CNTNAP4: variants seen among roughly 807,000 people sequenced by gnomAD.
The protein encoded by CNTNAP4 is contactin associated protein family member 4, also known as contactin-associated protein-like 4.
A neutral mutation model predicts 148.4 loss-of-function variants in CNTNAP4; 98 were observed. The observed-to-expected ratio is 0.66, with a 90% CI of 0.56 to 0.78. The LOEUF (loss-of-function observed/expected upper bound fraction) is 0.78, where lower values mean the gene tolerates loss of function less well. Ranked by LOEUF, CNTNAP4 falls within the 30% of genes least tolerant of loss-of-function variation. The probability of loss-of-function intolerance (pLI) is 0.00; values close to 1 mark genes in which losing one functional copy is unlikely to be tolerated. For missense variants in CNTNAP4, 1,935 were observed against 1,565.6 expected (o/e 1.24, Z -3.98); for synonymous variants, 730 against 565.1 (o/e 1.29, Z -4.14).
chr16:76,356,065 G>A (rs1226811719), intron 3 of CNTNAP4, among the ~76,000 whole-genome samples: 3 of 151,728 alleles, frequency 2.0e-5, no homozygotes, highest in East Asian at 1.9e-4. Flanking sequence ...AGTAGAGACG[G>A]GCTTTCACCA....
intron 4 of CNTNAP4, among the ~76,000 whole-genome samples, chr16:76,437,228 G>C (rs943605549): frequency 1.5e-4 from 23 of 152,046 alleles, no homozygotes; most frequent in African/African-American, 5.5e-4. Flanking sequence ...TGATTAGTTG[G>C]TGCCCACCCA....
intron 4 of CNTNAP4, among the ~76,000 whole-genome samples, chr16:76,446,836 C>G (rs1383378788): frequency 2.0e-5 from 3 of 152,242 alleles, no homozygotes; most frequent in Non-Finnish European, 4.4e-5. Context: ...CGTTAACATA[C>G]TGTATGGATG....
At chr16:76,307,539 T>C (rs1835073) in intron 1 of CNTNAP4, among the ~76,000 whole-genome samples, 64,734 of 119,128 alleles carry the variant, frequency 0.54, 18,612 homozygotes, top group Middle Eastern at 0.58. Flanking sequence ...TATATATATA[T>C]ACCAAACTCC....
intron 2 of CNTNAP4, among the ~76,000 whole-genome samples, chr16:76,345,119 A>G (rs892246212): frequency 2.0e-5 from 3 of 152,240 alleles, no homozygotes; most frequent in Admixed American, 2.0e-4. Flanking sequence ...GGGCCCCATG[A>G]TACTTCTTGT....
chr16:76,548,269 A>G (rs2084817300), intron 21 of CNTNAP4, among the ~76,000 whole-genome samples: 1 of 146,410 alleles, frequency 6.8e-6, no homozygotes, highest in Non-Finnish European at 1.5e-5. Context: ...TTCAGTTCCA[A>G]CCCTGGCTCT....
intron 3 of CNTNAP4, among the ~76,000 whole-genome samples, chr16:76,406,149 T>C (rs113867273): frequency 6.6e-6 from 1 of 152,208 alleles, no homozygotes; most frequent in African/African-American, 2.4e-5. Flanking sequence ...TGTGCTCACT[T>C]TGTGTCTCTG....
intron 4 of CNTNAP4, among the ~76,000 whole-genome samples, chr16:76,436,131 C>T (rs912952447): frequency 1.3e-5 from 2 of 152,072 alleles, no homozygotes; most frequent in African/African-American, 4.8e-5. Flanking sequence ...ATTATCTCTC[C>T]TGGCAACTGC....
At chr16:76,352,931 C>A (rs183850812) in intron 2 of CNTNAP4, among the ~76,000 whole-genome samples, 1 of 152,188 alleles carries the variant, frequency 6.6e-6, no homozygotes, top group Admixed American at 6.5e-5. Context: ...CAGGGCCATG[C>A]TAAACAAATG....
intron 15 of CNTNAP4, among the ~76,000 whole-genome samples, chr16:76,517,665 T>C (rs936204258): frequency 2.0e-5 from 3 of 152,244 alleles, no homozygotes; most frequent in African/African-American, 7.2e-5. Flanking sequence ...AACAGCTTTA[T>C]TGATATCAAA....
intron 9 of CNTNAP4, among the ~76,000 whole-genome samples, chr16:76,464,120 C>T (rs34532240): frequency 1.3e-5 from 2 of 152,034 alleles, no homozygotes; most frequent in Non-Finnish European, 2.9e-5. Flanking sequence ...CCAAACTCTG[C>T]CCTGCACTTC....
intron 3 of CNTNAP4, among the ~76,000 whole-genome samples, chr16:76,372,648 A>G (rs997934298): frequency 3.3e-5 from 5 of 152,054 alleles, no homozygotes; most frequent in Non-Finnish European, 7.4e-5. Context: ...TTCTGCCACC[A>G]TGTAAGACAT....
intron 1 of CNTNAP4, among the ~76,000 whole-genome samples, chr16:76,312,324 G>A (rs2144047502): frequency 6.6e-6 from 1 of 152,284 alleles, no homozygotes; most frequent in South Asian, 2.1e-4. Context: ...GCAGTAGGGT[G>A]AAATTACCTC....
chr16:76,468,713 C>T (rs919607731), intron 10 of CNTNAP4, among the ~76,000 whole-genome samples: 6 of 152,056 alleles, frequency 3.9e-5, no homozygotes, highest in African/African-American at 1.4e-4. Context: ...CCCACTTCAG[C>T]CTCCCAAAGT....
chr16:76,427,784 C>T (rs1183186398), intron 4 of CNTNAP4, among the ~76,000 whole-genome samples, 185 bp downstream of exon 4: 1 of 152,146 alleles, frequency 6.6e-6, no homozygotes, highest in African/African-American at 2.4e-5. Context: ...TCAACTTTAA[C>T]ATTTTAATTC....
At position 76,307,539 on chromosome 16, in the gene CNTNAP4, T is replaced by TATATATATATATATATATAC. The variant is rs558814796; in HGVS notation, c.86-8873_86-8872insTATATATATATATATATACA. ...ATATATATATATATATATATATATA[T>TATATATATATATATATATAC]ACCAAACTCCAGAAATGCTTACCCC... On this transcript the variant is annotated intron_variant, in intron 1 of 23. Coordinates refer to ENST00000611870, the MANE Select transcript of CNTNAP4 (RefSeq NM_033401.5). 5.9e-5 allele frequency among the ~76,000 whole-genome samples: 7 copies of TATATATATATATATATATAC among 119,378 alleles called. 1 individual carries two copies. The highest frequency in any genetic ancestry group is 8.2e-5 in the Non-Finnish European group (5 of 60,914). The allele number at this position is 119,378 out of a possible 152,430, so 78.3% of individuals were successfully genotyped here. A position where few individuals can be genotyped will look rare whatever the true frequency, so the allele number is the denominator to read the frequency against.
intron 2 of CNTNAP4, among the ~76,000 whole-genome samples, chr16:76,347,137 TTG>T (rs56664519): frequency 0.024 from 3,586 of 149,354 alleles, 79 homozygotes; most frequent in African/African-American, 0.054. Context: ...AGGCAATTGG[TTG>T]TGTGTGTGTG....
intron 3 of CNTNAP4, among the ~76,000 whole-genome samples, chr16:76,422,536 T>G (rs1597486002): frequency 6.6e-6 from 1 of 152,180 alleles, no homozygotes; most frequent in East Asian, 1.9e-4. Flanking sequence ...GAAAAAAGCT[T>G]CAGATAAAAT....
intron 15 of CNTNAP4, among the ~76,000 whole-genome samples, chr16:76,503,823 C>G (rs969651509): frequency 6.6e-6 from 1 of 151,388 alleles, no homozygotes; most frequent in African/African-American, 2.4e-5. Flanking sequence ...ATGATGGTTT[C>G]CAAAAGTAAA....
chr16:76,460,701 C>T lies in CNTNAP4; in HGVS notation c.1334-1255C>T, dbSNP rs1414621919. Among the ~76,000 whole-genome samples, 50 of 129,074 alleles carry T rather than the reference C, an allele frequency of 3.9e-4. 1 individual carries two copies. Among genetic ancestry groups the T allele is most frequent in the Middle Eastern group, 4.5e-3 (1 of 220 alleles). The allele number at this position is 129,074 out of a possible 152,430, so 84.7% of individuals were successfully genotyped here. A position where few individuals can be genotyped will look rare whatever the true frequency, so the allele number is the denominator to read the frequency against. On this transcript the variant is annotated intron_variant, in intron 8 of 23. Coordinates refer to ENST00000611870, the MANE Select transcript of CNTNAP4 (RefSeq NM_033401.5). The stretch of plus-strand genomic sequence containing the variant: ...CTGGGAGGCAGAGCTTGCAGTGAGC[C>T]GAGATCGCGCCATTGCACTCCAGCC...
Sources: allele counts gnomAD v4.1 joint callset (sites outside exome capture counted in the v4.1 genomes callset), GRCh38; gene constraint gnomAD v4.1.1; transcripts MANE v1.5; gene names NCBI Gene and HGNC (gene_info 2026-07-23, HGNC 2026-07-21).